MYO16: variants seen among roughly 807,000 people sequenced by gnomAD.
MYO16 encodes the protein myosin XVI.
Under a neutral mutation model 205.3 loss-of-function variants are expected in MYO16, and 94 were observed. The observed-to-expected ratio is 0.46, with a 90% CI of 0.39 to 0.54. MYO16 has a LOEUF of 0.54. Ranked by LOEUF, MYO16 falls within the 20% of genes least tolerant of loss-of-function variation. The probability of loss-of-function intolerance (pLI) is 0.00; values close to 1 mark genes in which losing one functional copy is unlikely to be tolerated. For synonymous variants in MYO16, 988 were observed against 954.0 expected, an observed-to-expected ratio of 1.04 and a Z score of -0.66; for missense variants, 2,315 against 2,387.5, an observed-to-expected ratio of 0.97 and a Z score of 0.63.
intron 2 of MYO16, among the ~76,000 whole-genome samples, chr13:108,679,724 AAT>A (rs1882381158): frequency 8.2e-6 from 1 of 121,668 alleles, no homozygotes; most frequent in African/African-American, 3.6e-5. Flanking sequence ...AAAAAAAAAT[AAT>A]AATAATAATA....
upstream of MYO16, among the ~76,000 whole-genome samples, chr13:108,593,531 T>A (rs565831095): frequency 6.6e-6 from 1 of 152,282 alleles, no homozygotes; most frequent in South Asian, 2.1e-4. Flanking sequence ...ACGGACGAAT[T>A]GTTTTCCTGT....
rs540507074 is a variant in MYO16, at chr13:108,962,171, C to G, written c.2156-253C>G. 5.3e-5 allele frequency among the ~76,000 whole-genome samples: 8 copies of G among 152,284 alleles called. No homozygotes were observed. In the East Asian group the frequency reaches 1.5e-3, roughly 29 times the overall value. ...GTACCTGGAAAAAAACAATTCCATACCATCTGTGAGGACAGGGAGGAAAAA... is the reference window on the plus strand; with the variant it reads ...GTACCTGGAAAAAAACAATTCCATAGCATCTGTGAGGACAGGGAGGAAAAA... On this transcript the variant is annotated intron_variant, in intron 18 of 34. Coordinates refer to ENST00000457511, the MANE Select transcript of MYO16 (RefSeq NM_001198950.3).
rs779175915 is a variant in MYO16 at position 109,125,832 on chromosome 13, G to A, written c.3782+474G>A. Among the ~76,000 whole-genome samples, 1 of 152,210 alleles carries A rather than the reference G, an allele frequency of 6.6e-6. No homozygotes were observed. The highest frequency in any genetic ancestry group is 1.5e-5 in the Non-Finnish European group (1 of 68,038). Reference sequence around the variant, plus strand: ...GATTGTAAGTGTATTATATATCCCTGTGTAAACTGTCACGTCTCTCTTTAC... The same window carrying A: ...GATTGTAAGTGTATTATATATCCCTATGTAAACTGTCACGTCTCTCTTTAC... On this transcript the variant is annotated intron_variant, in intron 30 of 34. Transcript: ENST00000457511. The surrounding 1 kb of genome is among the most constrained non-coding windows in gnomAD (Gnocchi z 4.0).
chr13:108,871,350 G>GTGTGTGTGTA lies in MYO16; in HGVS notation c.1425+5117_1425+5118insATGTGTGTGT, dbSNP rs1555307581. ...TGTGTGTGTGTGTGTGTGTGTGTGTGTGTGTGTGTGTGTCTGTGTGTTGGT... is the reference window on the plus strand; with the variant it reads ...TGTGTGTGTGTGTGTGTGTGTGTGTGTGTGTGTGTATGTGTGTGTGTGTCTGTGTGTTGGT... On this transcript the variant is annotated intron_variant, in intron 12 of 34. Coordinates refer to ENST00000457511, the MANE Select transcript of MYO16 (RefSeq NM_001198950.3). 2.5e-3 allele frequency among the ~76,000 whole-genome samples: 371 copies of GTGTGTGTGTA among 147,324 alleles called. 3 individuals carry two copies. Among genetic ancestry groups the GTGTGTGTGTA allele is most frequent in the South Asian group, 0.011 (51 of 4,668 alleles).
intron 7 of MYO16, among the ~76,000 whole-genome samples, chr13:108,816,701 G>C (rs559303328): frequency 1.3e-5 from 2 of 152,298 alleles, no homozygotes; most frequent in Non-Finnish European, 2.9e-5. Context: ...TGCATAAAAG[G>C]TGTTTGTTTT....
At chr13:108,606,893 C>T (rs549230383) in intron 1 of MYO16, among the ~76,000 whole-genome samples, 2 of 152,154 alleles carry the variant, frequency 1.3e-5, no homozygotes, top group Non-Finnish European at 2.9e-5. Context: ...GTGGAGCAGC[C>T]CAAGGCCATG....
At chr13:109,071,314 TAGAA>T (rs1425368005) in intron 27 of MYO16, among the ~76,000 whole-genome samples, 1 of 152,184 alleles carries the variant, frequency 6.6e-6, no homozygotes, top group East Asian at 1.9e-4. Context: ...AACTTTATAT[TAGAA>T]AGAAACTTTT....
At chr13:108,925,856 G>T (rs760741092) in intron 16 of MYO16, among the ~76,000 whole-genome samples, 1 of 152,192 alleles carries the variant, frequency 6.6e-6, no homozygotes, top group Non-Finnish European at 1.5e-5. Context: ...GGTTCAGAGT[G>T]TGCTTTCTAA....
rs539310913 is a variant in MYO16 at position 108,971,923 on chromosome 13, A to T, written c.2369+7021A>T. ...CTGTAATGATAATAGTGATGGGGCT[A>T]GGCGTGGTGGCTCATGCCTGTAATC... On this transcript the variant is annotated intron_variant, in intron 20 of 34. Transcript: ENST00000457511. Among the ~76,000 whole-genome samples, 7 of 151,872 alleles carry T rather than the reference A, an allele frequency of 4.6e-5. No homozygotes were observed. The South Asian group carries it at 1.5e-3, about 32-fold the overall frequency.
intron 17 of MYO16, among the ~76,000 whole-genome samples, chr13:108,958,414 T>C (rs1350453729): frequency 6.6e-6 from 1 of 151,982 alleles, no homozygotes; most frequent in Non-Finnish European, 1.5e-5. Context: ...AATATAAATG[T>C]TTTAATATTG....
chr13:108,535,546 A>G, the MYO16 span, among the ~76,000 whole-genome samples: 2 of 152,222 alleles, frequency 1.3e-5, no homozygotes, highest in Non-Finnish European at 2.9e-5. Flanking sequence ...ATTATTTGAA[A>G]AATAACAAAA....
chr13:108,835,258 C>T (rs759032757), intron 9 of MYO16, among the ~76,000 whole-genome samples: 5 of 152,102 alleles, frequency 3.3e-5, no homozygotes, highest in African/African-American at 7.2e-5. Flanking sequence ...TGATAGTGAA[C>T]GAGTTCTCAC....
At chr13:108,971,711 A>G (rs927624396) in intron 20 of MYO16, among the ~76,000 whole-genome samples, 4 of 152,160 alleles carry the variant, frequency 2.6e-5, no homozygotes, top group African/African-American at 7.2e-5. Flanking sequence ...TGACCTAAAC[A>G]TAAACATTTA....
chr13:109,192,632 C>T lies in MYO16; in HGVS notation c.5415+12999C>T, dbSNP rs568823492. 1.3e-3 allele frequency among the ~76,000 whole-genome samples: 201 copies of T among 152,272 alleles called. 2 individuals are homozygous for T. The highest frequency in any genetic ancestry group is 4.5e-3 in the African/African-American group (187 of 41,566). On this transcript the variant is annotated intron_variant, in intron 34 of 34. Coordinates refer to ENST00000457511, the MANE Select transcript of MYO16 (RefSeq NM_001198950.3). ...ATGAGAACCATTGTGAGGGGCACCACTTACAAGCATAGCCCATGCAACCCA... is the reference window on the plus strand; with the variant it reads ...ATGAGAACCATTGTGAGGGGCACCATTTACAAGCATAGCCCATGCAACCCA...
chr13:108,531,540 T>C, the MYO16 span, among the ~76,000 whole-genome samples: 1 of 151,926 alleles, frequency 6.6e-6, no homozygotes, highest in Non-Finnish European at 1.5e-5. Flanking sequence ...CTGTTTCTGA[T>C]ATGAGCAGCT....
At chr13:109,047,886 C>T (rs1218504643) in intron 24 of MYO16, among the ~76,000 whole-genome samples, 1 of 152,024 alleles carries the variant, frequency 6.6e-6, no homozygotes, top group Non-Finnish European at 1.5e-5. Context: ...CACTGTTTTT[C>T]ACTGAAGATT....
intron 5 of MYO16, among the ~76,000 whole-genome samples, chr13:108,789,333 A>T (rs777431987): frequency 1.3e-5 from 2 of 152,130 alleles, no homozygotes; most frequent in Non-Finnish European, 2.9e-5. Flanking sequence ...GCCTTAATTA[A>T]CATGCTGGTC....
intron 8 of MYO16, among the ~76,000 whole-genome samples, chr13:108,822,548 C>A (rs1876036245): frequency 6.6e-6 from 1 of 152,066 alleles, no homozygotes; most frequent in Non-Finnish European, 1.5e-5. Flanking sequence ...TGTTGCTGCC[C>A]AAACGTGTTC....
At chr13:108,720,694 C>A (rs1252382126) in intron 3 of MYO16, among the ~76,000 whole-genome samples, 1 of 152,150 alleles carries the variant, frequency 6.6e-6, no homozygotes, top group East Asian at 1.9e-4. Flanking sequence ...GTCTCCTCTG[C>A]CATGACTGCT....
Sources: allele counts gnomAD v4.1 joint callset (sites outside exome capture counted in the v4.1 genomes callset), GRCh38; gene constraint gnomAD v4.1.1; non-coding constraint Gnocchi (gnomAD v3.1); transcripts MANE v1.5; gene names NCBI Gene and HGNC (gene_info 2026-07-23, HGNC 2026-07-21).